The following OTUD7A variants were observed in gnomAD, a reference collection of about 807,000 sequenced individuals.
OTUD7A encodes the protein OTU domain-containing protein 7A.
In OTUD7A, 12 loss-of-function variants were observed where a neutral mutation model predicts 65.7. That is an observed-to-expected ratio of 0.18 (90% CI 0.12 to 0.30). The LOEUF (loss-of-function observed/expected upper bound fraction) is 0.30. OTUD7A is among the 10% of genes least tolerant of loss of function. The pLI, the probability that OTUD7A is intolerant of heterozygous loss-of-function variation, is 1.00. For synonymous variants in OTUD7A, 641 were observed against 586.3 expected (o/e 1.09, Z -1.35); for missense variants, 1,148 against 1,304.8 (o/e 0.88, Z 1.85).
chr15:31,850,694 G>A (rs1007594364), intron 1 of OTUD7A, among the ~76,000 whole-genome samples: 15 of 152,092 alleles, frequency 9.9e-5, no homozygotes, highest in Non-Finnish European at 1.6e-4. Flanking sequence ...GCTGCAGGCA[G>A]GACAATGCAC....
At chr15:31,821,415 A>G (rs140347146) in intron 1 of OTUD7A, among the ~76,000 whole-genome samples, 4 of 149,686 alleles carry the variant, frequency 2.7e-5, no homozygotes, top group African/African-American at 9.9e-5. Context: ...AAGTGCTGAG[A>G]TTACAGGCGT....
intron 8 of OTUD7A, among the ~76,000 whole-genome samples, chr15:31,518,148 G>T (rs2041885584): frequency 6.6e-6 from 1 of 152,108 alleles, no homozygotes; most frequent in African/African-American, 2.4e-5. Flanking sequence ...GGGGACATAG[G>T]TGTTGGTTTT....
rs188183134 is a variant in OTUD7A at position 31,532,826 on chromosome 15, C to T, written c.551-2018G>A. Among the ~76,000 whole-genome samples the T allele has an allele frequency of 1.6e-4, 24 of 149,450 alleles. No homozygotes were observed. The East Asian group carries it at 4.0e-3, about 25-fold the overall frequency. On this transcript the variant is annotated intron_variant, in intron 5 of 12. Coordinates refer to ENST00000307050, the MANE Select transcript of OTUD7A (RefSeq NM_001382637.1). The stretch of plus-strand genomic sequence containing the variant: ...GCGGGCGCCTGTAGTCCCAGCTACT[C>T]GGGGGGCTGAGGCAGGAGAATGGCG...
In OTUD7A at chr15:31,870,508, T is replaced by TGCCGC. The variant is rs1165398518; in HGVS notation, c.-106_-102dup. 8 of 147,882 alleles carry TGCCGC rather than the reference T, an allele frequency of 5.4e-5. No homozygotes were observed. The highest frequency in any genetic ancestry group is 1.8e-4 in the South Asian group (1 of 5,446). 9.2% of individuals were successfully genotyped at this position (147,882 alleles called of 1,614,324 possible). A position where few individuals can be genotyped will look rare whatever the true frequency, so the allele number is the denominator to read the frequency against. Reference sequence around the variant, plus strand: ...GCACCGCGGCCAGCGCCGTCTTACCTGCCGCGCCGCGCCGCTCCGCTCCGC... The same window carrying TGCCGC: ...GCACCGCGGCCAGCGCCGTCTTACCTGCCGCGCCGCGCCGCGCCGCTCCGCTCCGC... On this transcript the variant is annotated splice_region_variant and 5_prime_UTR_variant, in exon 1 of 13. Coordinates refer to ENST00000307050, the MANE Select transcript of OTUD7A (RefSeq NM_001382637.1).
chr15:31,850,744 A>C lies in OTUD7A; in HGVS notation c.-100+19763T>G, dbSNP rs369157414. Among the ~76,000 whole-genome samples the C allele has an allele frequency of 2.4e-3, 367 of 152,240 alleles. 2 individuals carry two copies. Among genetic ancestry groups the C allele is most frequent in the Non-Finnish European group, 2.4e-3 (166 of 68,020 alleles). On this transcript the variant is annotated intron_variant, in intron 1 of 12. Coordinates refer to ENST00000307050, the MANE Select transcript of OTUD7A (RefSeq NM_001382637.1). ...GCTTCAGAAGGTTCTCACCTCAGAG[A>C]GCCACTTAAGGCTCCAAAACCAACA...
intron 1 of OTUD7A, among the ~76,000 whole-genome samples, chr15:31,671,518 A>C (rs1962098): frequency 0.057 from 8,642 of 152,240 alleles, 833 homozygotes; most frequent in African/African-American, 0.2. Context: ...TAAAAGGTAT[A>C]CATGAACCTC....
chr15:31,808,097 A>C (rs1376316724), intron 1 of OTUD7A, among the ~76,000 whole-genome samples: 1 of 99,292 alleles, frequency 1.0e-5, no homozygotes, highest in Non-Finnish European at 2.0e-5. Context: ...AACAAATGCC[A>C]AACACACACA....
At chr15:31,566,047 C>T (rs969305929) in intron 4 of OTUD7A, among the ~76,000 whole-genome samples, 86 of 152,178 alleles carry the variant, frequency 5.7e-4, no homozygotes, top group African/African-American at 1.9e-3. Context: ...AAAAAATTAG[C>T]TAGGCGTGGT....
intron 1 of OTUD7A, among the ~76,000 whole-genome samples, chr15:31,674,774 A>C (rs34440432): frequency 3.3e-5 from 5 of 152,226 alleles, no homozygotes; most frequent in Non-Finnish European, 7.3e-5. Flanking sequence ...GTCCTTTCTC[A>C]TGATGCCTTT....
chr15:31,490,293 G>T (rs1022937292), intron 10 of OTUD7A, among the ~76,000 whole-genome samples: 1 of 152,156 alleles, frequency 6.6e-6, no homozygotes, highest in Non-Finnish European at 1.5e-5. Context: ...AAGGTGTTTT[G>T]TTTTTGTTTT....
At chr15:31,620,862 G>A (rs1284143335) in intron 3 of OTUD7A, among the ~76,000 whole-genome samples, 3 of 106,552 alleles carry the variant, frequency 2.8e-5, no homozygotes, top group Non-Finnish European at 5.2e-5. Context: ...TGACGTTAGG[G>A]TGTCGATTTT....
chr15:31,795,807 G>T (rs1284247141), intron 1 of OTUD7A, among the ~76,000 whole-genome samples: 1 of 152,180 alleles, frequency 6.6e-6, no homozygotes, highest in Non-Finnish European at 1.5e-5. Context: ...GTGGGCCTCA[G>T]TTTCCTCTTT....
intron 1 of OTUD7A, among the ~76,000 whole-genome samples, chr15:31,822,135 C>T (rs552122313): frequency 1.3e-5 from 2 of 152,312 alleles, no homozygotes; most frequent in South Asian, 2.1e-4. Context: ...TTTATTTCTT[C>T]TCTTGTTCCT....
intron 1 of OTUD7A, among the ~76,000 whole-genome samples, chr15:31,738,558 C>T (rs1357871690): frequency 6.6e-6 from 1 of 152,158 alleles, no homozygotes; most frequent in African/African-American, 2.4e-5. Flanking sequence ...AATTTGACAA[C>T]CCAGGAGGAT....
At chr15:31,712,945 A>G (rs949061748) in intron 1 of OTUD7A, among the ~76,000 whole-genome samples, 2 of 152,000 alleles carry the variant, frequency 1.3e-5, no homozygotes, top group Non-Finnish European at 2.9e-5. Flanking sequence ...ATCCTAGCTC[A>G]TTCCTTCCTA....
At chr15:31,518,513 G>A (rs114273744) in intron 8 of OTUD7A, among the ~76,000 whole-genome samples, 4,104 of 152,136 alleles carry the variant, frequency 0.027, 187 homozygotes, top group African/African-American at 0.093. Flanking sequence ...GTGCACACAC[G>A]TATGAATGTG....
intron 1 of OTUD7A, among the ~76,000 whole-genome samples, chr15:31,791,485 G>A (rs79391731): frequency 1.3e-5 from 2 of 152,226 alleles, no homozygotes; most frequent in East Asian, 3.9e-4. Context: ...TTGAGTAGGA[G>A]GGTCAATGAA....
chr15:31,618,377 T>C (rs914235353), intron 3 of OTUD7A, among the ~76,000 whole-genome samples: 1 of 152,242 alleles, frequency 6.6e-6, no homozygotes, highest in African/African-American at 2.4e-5. Context: ...ATGGTTGAAC[T>C]AGTTTACAGT....
At chr15:31,766,222 C>G in intron 1 of OTUD7A, 1 of 1,537,446 alleles carries the variant, frequency 6.5e-7, no homozygotes, top group Middle Eastern at 2.3e-4. Flanking sequence ...CAGCATAACA[C>G]ACATTGAGAA....
Sources: allele counts gnomAD v4.1 joint callset (sites outside exome capture counted in the v4.1 genomes callset), GRCh38; gene constraint gnomAD v4.1.1; transcripts MANE v1.5; gene names NCBI Gene and HGNC (gene_info 2026-07-23, HGNC 2026-07-21).